The following PEAR1 variants were observed in gnomAD, a reference collection of about 807,000 sequenced individuals.
The protein encoded by PEAR1 is platelet endothelial aggregation receptor 1.
PEAR1 carries 113 observed loss-of-function variants against 131.2 expected under a neutral mutation model. The ratio of observed to expected loss-of-function variants is 0.86; its 90% CI spans 0.74 to 1.01. The LOEUF is 1.01. Among genes scored for constraint, PEAR1 ranks in the 50% least tolerant of loss-of-function variants. The pLI, the probability that PEAR1 is intolerant of heterozygous loss-of-function variation, is 0.00. For missense variants in PEAR1, 1,408 were observed against 1,391.1 expected (o/e 1.01, Z -0.19); for synonymous variants, 565 against 523.3 (o/e 1.08, Z -1.09).
Position 156,907,685 on chromosome 1 carries a change from C to G in PEAR1, c.720C>G (p.Val240=), listed in dbSNP as rs147932853. The change falls in exon 7 of 23, where the codon GTC becomes GTG. Residue 240 remains valine (V), a synonymous_variant. Transcript: ENST00000292357. ...CCCATTCTTGCCAAAATGGAGGTGT[C>G]TTCCAAACCCCACAGGGCTCCTGCA... ...PSTHSCQNGG[V]FQTPQGSCSC... The G allele has an allele frequency of 1.1e-4, 174 of 1,613,982 alleles. 1 individual carries two copies. The African/African-American group carries it at 2.0e-3, about 19-fold the overall frequency.
Position 156,915,262 on chromosome 1 carries a change from C to T in PEAR1, c.*464C>T, listed in dbSNP as rs1651759904. On this transcript the variant is annotated 3_prime_UTR_variant, in exon 23 of 23. Coordinates refer to ENST00000292357, the MANE Select transcript of PEAR1 (RefSeq NM_001080471.3). ...GCAATAGCCTCCTAACTGGCCTCCT[C>T]CATTGATTCAGTGAACCTTCCAATG... is the stretch of plus-strand genomic sequence containing the variant. 5 of 154,030 alleles carry T rather than the reference C, an allele frequency of 3.2e-5. No individual in the cohort carries two copies. The South Asian group carries it at 1.0e-3, about 32-fold the overall frequency. 9.5% of individuals were successfully genotyped at this position (154,030 alleles called of 1,614,324 possible).
chr1:156,903,582 C>T (rs1445718294), intron 1 of PEAR1, among the ~76,000 whole-genome samples: 1 of 152,064 alleles, frequency 6.6e-6, no homozygotes, highest in African/African-American at 2.4e-5. Flanking sequence ...GATACTGGGA[C>T]CCCCAGAAGG....
intron 1 of PEAR1, among the ~76,000 whole-genome samples, chr1:156,897,291 G>A (rs1400540177): frequency 6.6e-6 from 1 of 152,190 alleles, no homozygotes; most frequent in Non-Finnish European, 1.5e-5. Context: ...TGGGAGCCGC[G>A]AGGAAACACC....
Position 156,906,695 on chromosome 1 carries a change from C to A in PEAR1, c.459C>A (p.Asn153Lys). 6.2e-7 allele frequency: 1 copy of A among 1,614,182 alleles called. No homozygotes were observed. Among genetic ancestry groups the A allele is most frequent in the Non-Finnish European group, 8.5e-7 (1 of 1,179,998 alleles). ...QCDKPCSCGNNSSCDPKSGVC... is the reference protein window; with the variant it reads ...QCDKPCSCGNKSSCDPKSGVC... ...ACAAGCCCTGCAGCTGCGGCAACAACAGCTCGTGTGATCCCAAGAGTGGGG... is the reference window on the plus strand; with the variant it reads ...ACAAGCCCTGCAGCTGCGGCAACAAAAGCTCGTGTGATCCCAAGAGTGGGG... The change falls in exon 6 of 23, where the codon AAC becomes AAA. Residue 153 changes from asparagine to lysine, a missense_variant. By Grantham distance (94) the Asn-to-Lys change is moderately conservative. Coordinates refer to ENST00000292357, the MANE Select transcript of PEAR1 (RefSeq NM_001080471.3).
intron 4 of PEAR1, among the ~76,000 whole-genome samples, chr1:156,905,857 ACCC>A (rs1225210590): frequency 2.7e-5 from 4 of 149,234 alleles, no homozygotes; most frequent in Non-Finnish European, 5.9e-5. Flanking sequence ...TGCCCACTGC[ACCC>A]CCCTCCCAGC....
intron 22 of PEAR1, 129 bp from the exon 23 acceptor site, chr1:156,914,518 G>A (rs1325766624): frequency 2.6e-5 from 23 of 886,580 alleles, no homozygotes; most frequent in African/African-American, 2.5e-4. Context: ...ACTGGTGTAT[G>A]TATCCAGGCC....
intron 1 of PEAR1, among the ~76,000 whole-genome samples, chr1:156,894,094 C>A (rs552287225): frequency 2.6e-5 from 4 of 152,160 alleles, no homozygotes; most frequent in Non-Finnish European, 4.4e-5. Context: ...GAAATGCTAG[C>A]GAGGTTGTTC....
intron 15 of PEAR1, 87 bp from the exon 16 acceptor site, chr1:156,912,160 C>T (rs142818760): frequency 6.7e-7 from 1 of 1,503,188 alleles, no homozygotes; most frequent in Non-Finnish European, 8.9e-7. Flanking sequence ...CAAAGCTGAG[C>T]TAAAGGCTTC....
In PEAR1 at chr1:156,912,794, T is replaced by C. The variant is rs751906620; in HGVS notation, c.2234T>C (p.Met745Thr). The C allele has an allele frequency of 2.3e-5, 37 of 1,614,108 alleles. No individual in the cohort carries two copies. Among genetic ancestry groups the C allele is most frequent in the Non-Finnish European group, 3.1e-5 (36 of 1,180,042 alleles). ...RIGIQEPFTVMPTTPVAYNSL... is the reference protein window; with the variant it reads ...RIGIQEPFTVTPTTPVAYNSL... ...GGAATCCAGGAGCCCTTTACTGTGATGCCGACCACTCCAGTAGCGTATAAC... is the reference window on the plus strand; with the variant it reads ...GGAATCCAGGAGCCCTTTACTGTGACGCCGACCACTCCAGTAGCGTATAAC... Residue 745 changes from methionine (M) to threonine (T), a missense_variant, in exon 18 of 23, where the codon ATG becomes ACG. Transcript: ENST00000292357.
intron 18 of PEAR1, 72 bp from the exon 19 acceptor site, chr1:156,913,122 C>A: frequency 1.3e-6 from 2 of 1,565,118 alleles, no homozygotes; most frequent in Non-Finnish European, 1.8e-6. Flanking sequence ...GTACTGATCT[C>A]CGGGGACAAA....
rs374880096 is a variant in PEAR1, at chr1:156,908,804, T to A, written c.1265T>A (p.Leu422His). The change falls in exon 10 of 23, where the codon CTC (leucine) becomes CAC (histidine). Residue 422 changes from leucine to histidine, a missense_variant. Coordinates refer to ENST00000292357, the MANE Select transcript of PEAR1 (RefSeq NM_001080471.3). The surrounding 1 kb of genome is among the most constrained non-coding windows in gnomAD (Gnocchi z 4.2). ...HGGVCQATSGLCQCAPGYTGP... is the reference protein window; with the variant it reads ...HGGVCQATSGHCQCAPGYTGP... ...GGCGTCTGCCAGGCTACCAGCGGCC[T>A]CTGTCAGTGCGCGCCGGGTTACACG... 1.9e-6 allele frequency: 3 copies of A among 1,607,206 alleles called. No individual in the cohort carries two copies. The highest frequency in any genetic ancestry group is 2.5e-6 in the Non-Finnish European group (3 of 1,179,390).
chr1:156,896,950 C>T (rs1277093413), intron 1 of PEAR1, among the ~76,000 whole-genome samples: 2 of 152,212 alleles, frequency 1.3e-5, no homozygotes, highest in South Asian at 2.1e-4. Context: ...ATCAAACACG[C>T]ACCTCATTGT....
At chr1:156,914,293 G>A (rs1000754122) in intron 22 of PEAR1, among the ~76,000 whole-genome samples, 193 bp downstream of exon 22, 1 of 152,224 alleles carries the variant, frequency 6.6e-6, no homozygotes, top group African/African-American at 2.4e-5. Flanking sequence ...CTCATCTGGA[G>A]AACAGTATGG....
intron 1 of PEAR1, among the ~76,000 whole-genome samples, chr1:156,894,455 C>T (rs370888144): frequency 1.3e-5 from 2 of 152,190 alleles, no homozygotes; most frequent in African/African-American, 2.4e-5. Context: ...CTCTGTCCAG[C>T]GGCAGGAATG....
chr1:156,910,925 G>A (rs1321166798), intron 15 of PEAR1, among the ~76,000 whole-genome samples, 182 bp downstream of exon 15: 1 of 152,222 alleles, frequency 6.6e-6, no homozygotes, highest in Non-Finnish European at 1.5e-5. Flanking sequence ...GCAGTGAACA[G>A]GTCAGGGGGA....
rs1650465429 is a variant in PEAR1 at position 156,907,490 on chromosome 1, G to C, written c.645-120G>C. 3 of 1,455,296 alleles carry C rather than the reference G, an allele frequency of 2.1e-6. No individual in the cohort carries two copies. The Admixed American group carries it at 7.5e-5, about 36-fold the overall frequency. 90.1% of individuals were successfully genotyped at this position (1,455,296 alleles called of 1,614,324 possible). A position where few individuals can be genotyped will look rare whatever the true frequency, so the allele number is the denominator to read the frequency against. On this transcript the variant is annotated intron_variant, in intron 6 of 22. Transcript: ENST00000292357. ...TTTCTGACTCGACAGTCCCCAGCAG[G>C]AAAGAGCAAGTGTGAATCACTAAGT... is the stretch of plus-strand genomic sequence containing the variant.
At chr1:156,907,766 G>T (rs750187532) in intron 7 of PEAR1, 36 bp downstream of exon 7, 2 of 1,586,290 alleles carry the variant, frequency 1.3e-6, no homozygotes, top group Admixed American at 3.4e-5. Flanking sequence ...TGGGGTGTGG[G>T]TCTGGGGAGA....
intron 3 of PEAR1, 155 bp downstream of exon 3, chr1:156,905,007 G>A (rs1181800207): frequency 6.5e-7 from 1 of 1,543,160 alleles, no homozygotes; most frequent in Non-Finnish European, 8.8e-7. Context: ...GGGTACGTGT[G>A]TATGGGATGT....
At chr1:156,910,821 G>A in intron 15 of PEAR1, 78 bp downstream of exon 15, 1 of 1,579,476 alleles carries the variant, frequency 6.3e-7, no homozygotes. Context: ...CTGTCCCCCA[G>A]CTCCTGGGTA....
Sources: allele counts gnomAD v4.1 joint callset (sites outside exome capture counted in the v4.1 genomes callset), GRCh38; gene constraint gnomAD v4.1.1; non-coding constraint Gnocchi (gnomAD v3.1); transcripts MANE v1.5; gene names NCBI Gene and HGNC (gene_info 2026-07-23, HGNC 2026-07-21).